The following EDIL3 variants were observed in gnomAD, a reference collection of about 807,000 sequenced individuals.
EDIL3 encodes EGF-like repeat and discoidin I-like domain-containing protein 3.
EDIL3 carries 37 observed loss-of-function variants against 67.4 expected under a neutral mutation model. The observed-to-expected ratio is 0.55, with a 90% CI of 0.42 to 0.72. EDIL3 has a LOEUF of 0.72. EDIL3 is among the 30% of genes least tolerant of loss of function. The pLI is 0.00. For synonymous variants in EDIL3, 195 were observed against 196.3 expected, an observed-to-expected ratio of 0.99 and a Z score of 0.05; for missense variants, 527 against 586.3, an observed-to-expected ratio of 0.90 and a Z score of 1.04.
intron 6 of EDIL3, among the ~76,000 whole-genome samples, chr5:84,074,468 C>T (rs900857377): frequency 6.6e-6 from 1 of 152,134 alleles, no homozygotes; most frequent in African/African-American, 2.4e-5. Context: ...GGGCTAATAT[C>T]CAGAATCTAC....
At chr5:84,190,549 A>ATGTG (rs1220169426) in intron 3 of EDIL3, among the ~76,000 whole-genome samples, 27 of 134,942 alleles carry the variant, frequency 2.0e-4, no homozygotes, top group Non-Finnish European at 3.7e-4. Context: ...ATATATATAT[A>ATGTG]TATGTGTGTG....
Position 84,038,612 on chromosome 5 carries a change from C to G in EDIL3, c.1137+21688G>C, listed in dbSNP as rs554202707. Among the ~76,000 whole-genome samples the G allele has an allele frequency of 2.0e-5, 3 of 152,260 alleles. No individual in the cohort carries two copies. In the South Asian group the frequency reaches 6.2e-4, roughly 32 times the overall value. On this transcript the variant is annotated intron_variant, in intron 9 of 10. Coordinates refer to ENST00000296591, the MANE Select transcript of EDIL3 (RefSeq NM_005711.5). ...ACCTTTCAAAAGAAGGAAAGCTGGG[C>G]TTTTAAAACAATGGATAATCTCATA... is the stretch of plus-strand genomic sequence containing the variant.
chr5:84,352,433 T>TAC (rs200746329), intron 1 of EDIL3, among the ~76,000 whole-genome samples: 17 of 151,620 alleles, frequency 1.1e-4, no homozygotes, highest in African/African-American at 3.6e-4. Flanking sequence ...GTGCATAGGT[T>TAC]ACACACACAC....
intron 1 of EDIL3, among the ~76,000 whole-genome samples, chr5:84,278,357 T>G (rs548536352): frequency 6.6e-6 from 1 of 152,336 alleles, no homozygotes; most frequent in African/African-American, 2.4e-5. Flanking sequence ...GAATTTTTTT[T>G]TGTTTTTCCA....
At chr5:83,965,975 A>G (rs1371401292) in intron 9 of EDIL3, among the ~76,000 whole-genome samples, 1 of 152,102 alleles carries the variant, frequency 6.6e-6, no homozygotes, top group Non-Finnish European at 1.5e-5. Context: ...GGGCATGTAT[A>G]GAACTCACCC....
intron 1 of EDIL3, among the ~76,000 whole-genome samples, chr5:84,264,104 G>A (rs1745296023): frequency 6.6e-6 from 1 of 152,090 alleles, no homozygotes; most frequent in African/African-American, 2.4e-5. Flanking sequence ...AAATTAGCTG[G>A]GCATGGTGGT....
At chr5:84,072,620 A>T (rs1746760117) in intron 6 of EDIL3, among the ~76,000 whole-genome samples, 1 of 152,194 alleles carries the variant, frequency 6.6e-6, no homozygotes, top group African/African-American at 2.4e-5. Context: ...CTATTTAAAA[A>T]ATGTATCCTA....
chr5:84,360,110 G>A (rs774308258), intron 1 of EDIL3, among the ~76,000 whole-genome samples: 2 of 152,110 alleles, frequency 1.3e-5, no homozygotes, highest in Non-Finnish European at 2.9e-5. Context: ...CTACCACACT[G>A]AAACTACTAC....
chr5:84,050,160 T>C (rs1373071385), intron 9 of EDIL3, among the ~76,000 whole-genome samples: 5 of 126,518 alleles, frequency 4.0e-5, no homozygotes, highest in Admixed American at 1.1e-4. Context: ...ATGGCGCCAC[T>C]GCACTCCAGC....
At chr5:84,106,613 CTT>C (rs776496910) in intron 6 of EDIL3, 34 bp downstream of exon 6, 9 of 1,523,592 alleles carry the variant, frequency 5.9e-6, no homozygotes, top group Admixed American at 2.3e-5. Context: ...TTAAAAATGA[CTT>C]ATAACATTAA....
chr5:84,118,197 GAAA>G (rs973369465), intron 5 of EDIL3, among the ~76,000 whole-genome samples: 1 of 151,392 alleles, frequency 6.6e-6, no homozygotes, highest in Admixed American at 6.6e-5. Context: ...CTACAACAAC[GAAA>G]AAAACAAAAA....
chr5:84,062,221 T>C (rs1329869625), intron 8 of EDIL3, among the ~76,000 whole-genome samples: 2 of 152,102 alleles, frequency 1.3e-5, no homozygotes, highest in African/African-American at 4.8e-5. Context: ...TCTAACAGGC[T>C]TAATGGCAAG....
chr5:84,170,847 T>C (rs940814778), intron 4 of EDIL3, among the ~76,000 whole-genome samples: 2 of 152,040 alleles, frequency 1.3e-5, no homozygotes, highest in Non-Finnish European at 2.9e-5. Context: ...CGGGCTGGAG[T>C]GCAGGGGTGT....
At chr5:84,094,124 A>C (rs1561429312) in intron 6 of EDIL3, among the ~76,000 whole-genome samples, 1 of 152,240 alleles carries the variant, frequency 6.6e-6, no homozygotes, top group African/African-American at 2.4e-5. Flanking sequence ...ATAATTTCAG[A>C]CAAAACATAC....
At chr5:84,024,646 AC>A (rs2112195823) in intron 9 of EDIL3, among the ~76,000 whole-genome samples, 1 of 152,274 alleles carries the variant, frequency 6.6e-6, no homozygotes, top group Admixed American at 6.5e-5. Flanking sequence ...TGAATCTCTG[AC>A]TTGGGGTCCA....
At chr5:84,353,878 A>G (rs1052971023) in intron 1 of EDIL3, among the ~76,000 whole-genome samples, 2 of 152,204 alleles carry the variant, frequency 1.3e-5, no homozygotes, top group Admixed American at 6.5e-5. Context: ...ATATCTGATC[A>G]TTGGTTAGAA....
intron 1 of EDIL3, among the ~76,000 whole-genome samples, chr5:84,376,395 C>A (rs1488116194): frequency 6.6e-6 from 1 of 152,068 alleles, no homozygotes; most frequent in Admixed American, 6.5e-5. Context: ...AGGCCAAAAT[C>A]AAATTTAGTC....
intron 1 of EDIL3, among the ~76,000 whole-genome samples, chr5:84,364,116 A>C (rs951006956): frequency 3.3e-5 from 5 of 152,220 alleles, no homozygotes; most frequent in South Asian, 2.1e-4. Context: ...TGATTCTATA[A>C]AGGTATAAAA....
At chr5:84,056,236 C>T (rs917013036) in intron 9 of EDIL3, among the ~76,000 whole-genome samples, 3 of 152,048 alleles carry the variant, frequency 2.0e-5, no homozygotes, top group African/African-American at 7.2e-5. Context: ...AAACCAAACA[C>T]CGCATGTTCT....
Sources: allele counts gnomAD v4.1 joint callset (sites outside exome capture counted in the v4.1 genomes callset), GRCh38; gene constraint gnomAD v4.1.1; transcripts MANE v1.5; gene names NCBI Gene and HGNC (gene_info 2026-07-23, HGNC 2026-07-21).